The following ACSS3 variants were observed in gnomAD, a reference collection of about 807,000 sequenced individuals.
ACSS3 encodes the protein acyl-CoA synthetase short-chain family member 3, mitochondrial.
A neutral mutation model predicts 84.2 loss-of-function variants in ACSS3; 64 were observed. The ratio of observed to expected loss-of-function variants is 0.76; its 90% CI spans 0.62 to 0.94. The LOEUF (loss-of-function observed/expected upper bound fraction) is 0.94, where lower values mean the gene tolerates loss of function less well. Ranked by LOEUF, ACSS3 falls within the 40% of genes least tolerant of loss-of-function variation. The pLI is 0.00. For missense variants in ACSS3, 815 were observed against 867.6 expected (o/e 0.94, Z 0.76); for synonymous variants, 317 against 310.1 (o/e 1.02, Z -0.23).
intron 7 of ACSS3, among the ~76,000 whole-genome samples, chr12:81,157,529 C>T (rs1886935602): frequency 6.6e-6 from 1 of 152,206 alleles, no homozygotes; most frequent in Admixed American, 6.5e-5. Flanking sequence ...TATAGGGAAG[C>T]TGGGCGCGGT....
At position 81,100,229 on chromosome 12, in the gene ACSS3, T is replaced by TTG. The variant is rs1243478745; in HGVS notation, c.312-9330_312-9329insGT. On this transcript the variant is annotated intron_variant, in intron 1 of 15. Coordinates refer to ENST00000548058, the MANE Select transcript of ACSS3 (RefSeq NM_024560.4). ...GCAAAATTACCAGTTTTTTTTTTTT[T>TTG]TTTTTTTTTTGAGATGGGGTCTTGC... Among the ~76,000 whole-genome samples, 32 of 150,236 alleles carry TTG rather than the reference T, an allele frequency of 2.1e-4. 1 individual carries two copies. The highest frequency in any genetic ancestry group is 3.8e-4 in the Non-Finnish European group (26 of 67,584).
At chr12:81,152,259 A>G (rs1886648950) in intron 7 of ACSS3, among the ~76,000 whole-genome samples, 163 bp downstream of exon 7, 1 of 152,216 alleles carries the variant, frequency 6.6e-6, no homozygotes, top group Admixed American at 6.5e-5. Context: ...AAGGATATGT[A>G]GGAAATATTA....
At chr12:81,237,017 G>A (rs946541184) in intron 13 of ACSS3, among the ~76,000 whole-genome samples, 3 of 151,534 alleles carry the variant, frequency 2.0e-5, no homozygotes, top group South Asian at 2.1e-4. Context: ...GGAGGCAGCC[G>A]TCCTTCCTGA....
chr12:81,128,386 G>A (rs2121549708), intron 2 of ACSS3, among the ~76,000 whole-genome samples: 1 of 152,206 alleles, frequency 6.6e-6, no homozygotes, highest in Non-Finnish European at 1.5e-5. Context: ...GTCACACATT[G>A]TTATATCTAA....
chr12:81,087,526 T>C (rs759862613), intron 1 of ACSS3, among the ~76,000 whole-genome samples: 1 of 150,340 alleles, frequency 6.7e-6, no homozygotes, highest in Non-Finnish European at 1.5e-5. Flanking sequence ...TAGAAAAATT[T>C]AGTAAGACTA....
chr12:81,220,187 C>A, intron 11 of ACSS3, 111 bp downstream of exon 11: 1 of 526,462 alleles, frequency 1.9e-6, no homozygotes, highest in Admixed American at 3.4e-5. Flanking sequence ...GTAGAAAGAA[C>A]TTGTGTGTTG....
intron 8 of ACSS3, among the ~76,000 whole-genome samples, chr12:81,197,854 T>C (rs2031909212): frequency 6.6e-6 from 1 of 152,164 alleles, no homozygotes; most frequent in African/African-American, 2.4e-5. Flanking sequence ...CTGCCTTGCC[T>C]TCCTATAATT....
In ACSS3 at chr12:81,174,837, C is replaced by T; in HGVS notation, c.1148C>T (p.Ala383Val). 1 of 1,613,804 alleles carries T rather than the reference C, an allele frequency of 6.2e-7. No individual in the cohort carries two copies. The highest frequency in any genetic ancestry group is 8.5e-7 in the Non-Finnish European group (1 of 1,179,840). Reference sequence around the variant, plus strand: ...GCTGGCGCTTATTTCCGTGTGCTTGCAGAGCATGGAGTAGCTGCCTTGTTT... The same window carrying T: ...GCTGGCGCTTATTTCCGTGTGCTTGTAGAGCATGGAGTAGCTGCCTTGTTT... ...PDAGAYFRVL[A>V]EHGVAALFTA... The change falls in exon 8 of 16, where the codon GCA becomes GTA. Residue 383 changes from alanine to valine, a missense_variant. By Grantham distance (64) the Ala-to-Val change is moderately conservative. Coordinates refer to ENST00000548058, the MANE Select transcript of ACSS3 (RefSeq NM_024560.4).
chr12:81,214,878 GC>G (rs1342295166), intron 9 of ACSS3, among the ~76,000 whole-genome samples: 1 of 152,178 alleles, frequency 6.6e-6, no homozygotes, highest in Non-Finnish European at 1.5e-5. Flanking sequence ...TACTCTAGCA[GC>G]TTCCTTGCAC....
intron 8 of ACSS3, among the ~76,000 whole-genome samples, chr12:81,175,242 C>T (rs1191080364): frequency 6.6e-6 from 1 of 151,966 alleles, no homozygotes; most frequent in Non-Finnish European, 1.5e-5. Context: ...TTAAAATGCA[C>T]AGATAGATGG....
chr12:81,258,087 A>C lies in ACSS3; in HGVS notation c.*3165A>C, dbSNP rs547021560. ...AAGCTACTTCTCATTGTTCCTACTC[A>C]GGCCACATTTTTAGAAAAAAATTTT... On this transcript the variant is annotated 3_prime_UTR_variant, in exon 16 of 16. Coordinates refer to ENST00000548058, the MANE Select transcript of ACSS3 (RefSeq NM_024560.4). 49 of 152,204 alleles carry C rather than the reference A, an allele frequency of 3.2e-4. No homozygotes were observed. The highest frequency in any genetic ancestry group is 2.1e-4 in the South Asian group (1 of 4,826). The allele number at this position is 152,204 out of a possible 1,614,324, so 9.4% of individuals were successfully genotyped here. A position where few individuals can be genotyped will look rare whatever the true frequency, so the allele number is the denominator to read the frequency against.
At chr12:81,152,287 T>G (rs569456587) in intron 7 of ACSS3, among the ~76,000 whole-genome samples, 191 bp downstream of exon 7, 47 of 152,314 alleles carry the variant, frequency 3.1e-4, no homozygotes, top group African/African-American at 1.1e-3. Flanking sequence ...ATTTAAATTT[T>G]GTTGAACAGT....
intron 9 of ACSS3, among the ~76,000 whole-genome samples, chr12:81,210,189 C>CT (rs2032534038): frequency 6.6e-6 from 1 of 152,130 alleles, no homozygotes. Context: ...ATATTTTCCC[C>CT]TTCCCTTTTA....
chr12:81,212,797 A>G (rs1408781480), intron 9 of ACSS3, among the ~76,000 whole-genome samples: 1 of 152,206 alleles, frequency 6.6e-6, no homozygotes, highest in Non-Finnish European at 1.5e-5. Flanking sequence ...AAGTAGAGTG[A>G]GTCAGTAAAG....
chr12:81,200,516 G>T (rs879256908), intron 9 of ACSS3, among the ~76,000 whole-genome samples: 1 of 152,176 alleles, frequency 6.6e-6, no homozygotes, highest in Non-Finnish European at 1.5e-5. Context: ...AGCCTGAAAT[G>T]CAGTGTTTGA....
chr12:81,119,127 G>A (rs1884330641), intron 2 of ACSS3, among the ~76,000 whole-genome samples: 2 of 152,152 alleles, frequency 1.3e-5, no homozygotes. Flanking sequence ...GTAGGACTGT[G>A]ATGCCCACCT....
In ACSS3 at chr12:81,181,747, C is replaced by CAAAAAAAAAAAAAAA. The variant is rs59878486; in HGVS notation, c.1250+6815_1250+6829dup. ...AAGCCAAAGATTTCAATCAATTAAG[C>CAAAAAAAAAAAAAAA]AAAAAAAAAAAAAAAAAAAAAGCAA... On this transcript the variant is annotated intron_variant, in intron 8 of 15. Transcript: ENST00000548058. Among the ~76,000 whole-genome samples the CAAAAAAAAAAAAAAA allele has an allele frequency of 1.2e-3, 57 of 47,894 alleles. 1 individual carries two copies. The highest frequency in any genetic ancestry group is 1.3e-3 in the Non-Finnish European group (37 of 27,660). 31.4% of individuals were successfully genotyped at this position (47,894 alleles called of 152,430 possible). A position where few individuals can be genotyped will look rare whatever the true frequency, so the allele number is the denominator to read the frequency against.
At chr12:81,192,758 A>T (rs564888243) in intron 8 of ACSS3, among the ~76,000 whole-genome samples, 84 of 152,276 alleles carry the variant, frequency 5.5e-4, no homozygotes, top group Non-Finnish European at 9.7e-4. Flanking sequence ...GTTTTTGTTC[A>T]GTTTCTCAGC....
chr12:81,200,620 T>A (rs2032054197), intron 9 of ACSS3, among the ~76,000 whole-genome samples: 1 of 152,072 alleles, frequency 6.6e-6, no homozygotes, highest in African/African-American at 2.4e-5. Context: ...CTGGGCACGG[T>A]GGCTCACGCC....
Sources: gnomAD v4.1 joint callset for allele counts (sites outside exome capture counted in the v4.1 genomes callset) on GRCh38, gnomAD v4.1.1 for gene constraint, MANE v1.5 for transcripts, NCBI Gene and HGNC (gene_info 2026-07-23, HGNC 2026-07-21) for gene names.